The following ZC3H14 variants were observed in gnomAD, a reference collection of about 807,000 sequenced individuals.
The protein encoded by ZC3H14 is zinc finger CCCH domain-containing protein 14.
A neutral mutation model predicts 92.4 loss-of-function variants in ZC3H14; 31 were observed. The ratio of observed to expected loss-of-function variants is 0.34; its 90% CI spans 0.25 to 0.45. The LOEUF is 0.45. Among genes scored for constraint, ZC3H14 ranks in the 20% least tolerant of loss-of-function variants. ZC3H14 has a pLI of 1.00. For missense variants in ZC3H14, 781 were observed against 897.3 expected (o/e 0.87, Z 1.66); for synonymous variants, 321 against 300.9 (o/e 1.07, Z -0.69).
chr14:88,615,588 G>A lies in ZC3H14; in HGVS notation c.*3837G>A, dbSNP rs575549333. 1.1e-5 allele frequency: 5 copies of A among 464,604 alleles called. No individual in the cohort carries two copies. Among genetic ancestry groups the A allele is most frequent in the African/African-American group, 4.0e-5 (2 of 49,776 alleles). The allele number at this position is 464,604 out of a possible 1,614,324, so 28.8% of individuals were successfully genotyped here. ...ACTTGGCCTTTACCATCAAGTATTC[G>A]ATCCTTCCTTGAAATGGCATTATCT... On this transcript the variant is annotated 3_prime_UTR_variant, in exon 17 of 17. Transcript: ENST00000251038.
In ZC3H14 at chr14:88,615,681, C is replaced by T. The variant is rs891132816; in HGVS notation, c.*3930C>T. On this transcript the variant is annotated 3_prime_UTR_variant, in exon 17 of 17. Transcript: ENST00000251038. ...ATATTTTGAACAGATCAGTCTTTCA[C>T]TATTTTGATGATTCTGGGCATTTCT... 7 of 754,314 alleles carry T rather than the reference C, an allele frequency of 9.3e-6. No homozygotes were observed. The Admixed American group carries it at 1.4e-4, about 16-fold the overall frequency. The allele number at this position is 754,314 out of a possible 1,614,324, so 46.7% of individuals were successfully genotyped here.
chr14:88,578,614 ATTCT>A (rs1428444088), intron 9 of ZC3H14, among the ~76,000 whole-genome samples: 3 of 151,916 alleles, frequency 2.0e-5, no homozygotes, highest in African/African-American at 7.3e-5. Context: ...TTATTTCTGC[ATTCT>A]TTCTTTTTCT....
In ZC3H14 at chr14:88,575,871, A is replaced by G; in HGVS notation, c.1054A>G (p.Lys352Glu). The G allele has an allele frequency of 6.2e-7, 1 of 1,613,946 alleles. No individual in the cohort carries two copies. The highest frequency in any genetic ancestry group is 8.5e-7 in the Non-Finnish European group (1 of 1,179,910). The change falls in exon 8 of 17, where the codon AAG (lysine) becomes GAG (glutamate). Residue 352 changes from lysine to glutamate, a missense_variant. Lys to Glu is a moderately conservative substitution (Grantham distance 56). Transcript: ENST00000251038. ...PSLPPSKQAN[K>E]NLILKAISEA... ...TCTTCCACCTTCTAAACAAGCTAAC[A>G]AGAATCTGATTTTGAAGGCTATATC...
Position 88,627,309 on chromosome 14 carries a change from G to A in ZC3H14, c.*15558G>A. The A allele has an allele frequency of 2.0e-6, 1 of 495,106 alleles. No homozygotes were observed. Among genetic ancestry groups the A allele is most frequent in the South Asian group, 3.1e-5 (1 of 32,634 alleles). The allele number at this position is 495,106 out of a possible 1,614,324, so 30.7% of individuals were successfully genotyped here. A position where few individuals can be genotyped will look rare whatever the true frequency, so the allele number is the denominator to read the frequency against. ...GTAGGTAATATTATCCTGCTGATCT[G>A]CCATTATCATTAGAAATATACATAA... On this transcript the variant is annotated 3_prime_UTR_variant, in exon 17 of 17. Transcript: ENST00000251038.
chr14:88,582,987 C>G (rs1036559743), intron 9 of ZC3H14, among the ~76,000 whole-genome samples: 1 of 150,672 alleles, frequency 6.6e-6, no homozygotes, highest in Non-Finnish European at 1.5e-5. Flanking sequence ...AATATGTGTA[C>G]TTTTTGCTTT....
intron 6 of ZC3H14, chr14:88,573,590 G>C (rs894883854): frequency 6.6e-6 from 1 of 151,774 alleles, no homozygotes; most frequent in Non-Finnish European, 1.5e-5. Flanking sequence ...ACCATGCCTG[G>C]CTAATTTTTT....
chr14:88,568,211 T>G, intron 3 of ZC3H14, 58 bp downstream of exon 3: 1 of 1,437,062 alleles, frequency 7.0e-7, no homozygotes, highest in Non-Finnish European at 9.7e-7. Flanking sequence ...TGAGTTGATA[T>G]TCTGTCCAAA....
intron 11 of ZC3H14, among the ~76,000 whole-genome samples, chr14:88,602,320 T>C (rs904448729): frequency 5.9e-5 from 9 of 152,228 alleles, no homozygotes; most frequent in African/African-American, 2.2e-4. Flanking sequence ...TTTAACTCTA[T>C]TAAAGATTCT....
intron 9 of ZC3H14, among the ~76,000 whole-genome samples, chr14:88,578,781 G>GTTTTTTTTTTTTTTTTTTT (rs35101368): frequency 1.3e-5 from 1 of 76,816 alleles, no homozygotes; most frequent in Non-Finnish European, 2.4e-5. Flanking sequence ...TTGCTTCCAG[G>GTTTTTTTTTTTTTTTTTTT]TTTTTTTTTT....
At chr14:88,609,053 T>G in intron 13 of ZC3H14, 1 of 589,502 alleles carries the variant, frequency 1.7e-6, no homozygotes, top group Non-Finnish European at 2.9e-6. Flanking sequence ...TTGGCTTGAG[T>G]TAAAAGCCTG....
In ZC3H14 at chr14:88,625,204, T is replaced by C; in HGVS notation, c.*13453T>C. On this transcript the variant is annotated 3_prime_UTR_variant, in exon 17 of 17. Transcript: ENST00000251038. The stretch of plus-strand genomic sequence containing the variant: ...GTTTAAATAGATAATTTTCTATGTA[T>C]GTGTAATGCTGTCTCACCCTTGATA... 1 of 1,488,498 alleles carries C rather than the reference T, an allele frequency of 6.7e-7. No individual in the cohort carries two copies. Among genetic ancestry groups the C allele is most frequent in the Middle Eastern group, 2.3e-4 (1 of 4,292 alleles). 92.2% of individuals were successfully genotyped at this position (1,488,498 alleles called of 1,614,324 possible).
intron 5 of ZC3H14, 112 bp downstream of exon 5, chr14:88,572,337 A>G: frequency 1.6e-6 from 2 of 1,217,186 alleles, no homozygotes; most frequent in Non-Finnish European, 2.3e-6. Context: ...GAAACAATGA[A>G]GTGATCGTGA....
In ZC3H14 at chr14:88,566,028, GCCCCCCCC is replaced by G. The variant is rs1161358992; in HGVS notation, c.80-2006_80-1999del. Among the ~76,000 whole-genome samples, 2 of 2,708 alleles carry G rather than the reference GCCCCCCCC, an allele frequency of 7.4e-4. 1 individual carries two copies. Among genetic ancestry groups the G allele is most frequent in the Non-Finnish European group, 2.1e-3 (2 of 932 alleles). 1.8% of individuals were successfully genotyped at this position (2,708 alleles called of 152,430 possible). A position where few individuals can be genotyped will look rare whatever the true frequency, so the allele number is the denominator to read the frequency against. ...GATTACAGGCACCTGCCACCACCCCGCCCCCCCCCCCCGGCTAATTTTTGTGTTTTTAG... is the reference window on the plus strand; with the variant it reads ...GATTACAGGCACCTGCCACCACCCCGCCCCGGCTAATTTTTGTGTTTTTAG... On this transcript the variant is annotated intron_variant, in intron 2 of 16. Coordinates refer to ENST00000251038, the MANE Select transcript of ZC3H14 (RefSeq NM_024824.5).
rs573867720 is a variant in ZC3H14 at position 88,563,606 on chromosome 14, C to T, written c.37-45C>T. 10 of 1,610,252 alleles carry T rather than the reference C, an allele frequency of 6.2e-6. No individual in the cohort carries two copies. In the Admixed American group the frequency reaches 6.7e-5, roughly 11 times the overall value. On this transcript the variant is annotated intron_variant, in intron 1 of 16. Transcript: ENST00000251038. ...CGCTGCAGAGTCCGGTCTTGTTTTCCTAGAGCCGCCTTTCTCACATGCACG... is the reference window on the plus strand; with the variant it reads ...CGCTGCAGAGTCCGGTCTTGTTTTCTTAGAGCCGCCTTTCTCACATGCACG...
At position 88,575,836 on chromosome 14, in the gene ZC3H14, T is replaced by C. The variant is rs1469602; in HGVS notation, c.1023-4T>C. 1 of 1,610,504 alleles carries C rather than the reference T, an allele frequency of 6.2e-7. No homozygotes were observed. The highest frequency in any genetic ancestry group is 1.3e-5 in the African/African-American group (1 of 74,830). ...AATAAAAATACCTTTCTTAACTCTT[T>C]TAGACCTTCTCTTCCACCTTCTAAA... is the stretch of plus-strand genomic sequence containing the variant. On this transcript the variant is annotated splice_region_variant and splice_polypyrimidine_tract_variant and intron_variant, in intron 7 of 16. Transcript: ENST00000251038.
chr14:88,601,550 A>G (rs1007031241), intron 10 of ZC3H14, among the ~76,000 whole-genome samples: 3 of 152,266 alleles, frequency 2.0e-5, no homozygotes, highest in African/African-American at 4.8e-5. Context: ...AAAGTGGTTC[A>G]GCAGTCTGTG....
intron 12 of ZC3H14, among the ~76,000 whole-genome samples, chr14:88,604,907 A>G (rs1316187386): frequency 1.3e-5 from 2 of 152,156 alleles, no homozygotes; most frequent in Non-Finnish European, 2.9e-5. Flanking sequence ...AGCTTTCAAT[A>G]AAAGGTGAAT....
In ZC3H14 at chr14:88,627,157, G is replaced by C; in HGVS notation, c.*15406G>C. ...CAAAAAACAAAGGCTTAGAAGAGAG[G>C]CCAATGGCCCCTGCTCTACTACCTA... is the stretch of plus-strand genomic sequence containing the variant. On this transcript the variant is annotated 3_prime_UTR_variant, in exon 17 of 17. Coordinates refer to ENST00000251038, the MANE Select transcript of ZC3H14 (RefSeq NM_024824.5). 3 of 1,033,232 alleles carry C rather than the reference G, an allele frequency of 2.9e-6. No homozygotes were observed. The highest frequency in any genetic ancestry group is 4.4e-6 in the Non-Finnish European group (3 of 689,082). The allele number at this position is 1,033,232 out of a possible 1,614,324, so 64.0% of individuals were successfully genotyped here. A position where few individuals can be genotyped will look rare whatever the true frequency, so the allele number is the denominator to read the frequency against.
intron 1 of ZC3H14, 178 bp downstream of exon 1, chr14:88,563,347 C>T (rs1375859878): frequency 2.1e-6 from 3 of 1,462,522 alleles, no homozygotes; most frequent in Non-Finnish European, 2.7e-6. Context: ...TTTGCGGCCT[C>T]GGAGCGTGGC....
Sources: allele counts gnomAD v4.1 joint callset (sites outside exome capture counted in the v4.1 genomes callset), GRCh38; gene constraint gnomAD v4.1.1; transcripts MANE v1.5; gene names NCBI Gene and HGNC (gene_info 2026-07-23, HGNC 2026-07-21).